NRG3: variants seen among roughly 807,000 people sequenced by gnomAD.
NRG3 encodes pro-neuregulin-3, membrane-bound isoform.
In NRG3, 31 loss-of-function variants were observed where a neutral mutation model predicts 66.9. The observed-to-expected ratio is 0.46, with a 90% confidence interval of 0.35 to 0.63. The LOEUF (loss-of-function observed/expected upper bound fraction) is 0.63, where lower values mean the gene tolerates loss of function less well. Among genes scored for constraint, NRG3 ranks in the 20% least tolerant of loss-of-function variants. The pLI, the probability that NRG3 is intolerant of heterozygous loss-of-function variation, is 0.00. For missense variants in NRG3, 910 were observed against 878.9 expected, an observed-to-expected ratio of 1.04 and a Z score of -0.45; for synonymous variants, 393 against 359.4, an observed-to-expected ratio of 1.09 and a Z score of -1.06.
rs34948645 is a variant in NRG3 at position 82,004,028 on chromosome 10, C to CAT, written c.823+127866_823+127867insTA. Among the ~76,000 whole-genome samples, 1,434 of 145,736 alleles carry CAT rather than the reference C, an allele frequency of 9.8e-3. 21 individuals are homozygous for CAT. Among genetic ancestry groups the CAT allele is most frequent in the African/African-American group, 0.027 (1,047 of 39,452 alleles). ...ACACACACACACACACACACACACA[C>CAT]ACACACAGATACCTTAGAGCAGCAT... is the stretch of plus-strand genomic sequence containing the variant. On this transcript the variant is annotated intron_variant, in intron 1 of 8. Transcript: ENST00000372141.
At chr10:82,317,966 A>G (rs1440802719) in intron 1 of NRG3, among the ~76,000 whole-genome samples, 2 of 151,896 alleles carry the variant, frequency 1.3e-5, no homozygotes, top group East Asian at 1.9e-4. Context: ...ATAAGATGAT[A>G]TAGACAAATG....
intron 1 of NRG3, among the ~76,000 whole-genome samples, chr10:81,999,193 G>A (rs1344293482): frequency 2.0e-5 from 3 of 152,158 alleles, no homozygotes; most frequent in South Asian, 2.1e-4. Context: ...CATCATTTAC[G>A]TGAAAGGTAA....
In NRG3 at chr10:82,507,606, G is replaced by A. The variant is rs185267273; in HGVS notation, c.953+148738G>A. ...AACACAGCAGACCCAAGGGTGGGAG[G>A]CCACTGACCATCCTATCTCAGTGTC... On this transcript the variant is annotated intron_variant, in intron 2 of 8. Coordinates refer to ENST00000372141, the MANE Select transcript of NRG3 (RefSeq NM_001010848.4). 7.2e-5 allele frequency among the ~76,000 whole-genome samples: 11 copies of A among 152,260 alleles called. No homozygotes were observed. The South Asian group carries it at 1.2e-3, about 17-fold the overall frequency.
rs115388978 is a variant in NRG3, at chr10:82,690,600, A to G, written c.954-47977A>G. Among the ~76,000 whole-genome samples, 771 of 152,326 alleles carry G rather than the reference A, an allele frequency of 5.1e-3. 4 individuals are homozygous for G. The highest frequency in any genetic ancestry group is 0.018 in the African/African-American group (749 of 41,586). ...AACTGAGCAAAAATTCCATTGAGGT[A>G]TAAAAACAGAAAATGCAAAGAATCT... On this transcript the variant is annotated intron_variant, in intron 2 of 8. Transcript: ENST00000372141.
intron 3 of NRG3, among the ~76,000 whole-genome samples, chr10:82,808,721 A>T (rs2061382960): frequency 6.6e-6 from 1 of 152,200 alleles, no homozygotes; most frequent in Non-Finnish European, 1.5e-5. Context: ...TTAGACAACT[A>T]AAGTAATCTC....
Position 82,690,444 on chromosome 10 carries a change from T to C in NRG3, c.954-48133T>C, listed in dbSNP as rs577438046. 3.5e-4 allele frequency among the ~76,000 whole-genome samples: 54 copies of C among 152,144 alleles called. No individual in the cohort carries two copies. In the South Asian group the frequency reaches 0.011, roughly 31 times the overall value. Reference sequence around the variant, plus strand: ...AAGCCTCATTTCATGCAGGCAGGAGTGGAGAGTGGCTCTAGTGTGCATGCT... The same window carrying C: ...AAGCCTCATTTCATGCAGGCAGGAGCGGAGAGTGGCTCTAGTGTGCATGCT... On this transcript the variant is annotated intron_variant, in intron 2 of 8. Coordinates refer to ENST00000372141, the MANE Select transcript of NRG3 (RefSeq NM_001010848.4).
intron 1 of NRG3, among the ~76,000 whole-genome samples, chr10:82,075,634 A>G (rs1041454087): frequency 7.2e-5 from 11 of 152,280 alleles, no homozygotes; most frequent in Middle Eastern, 3.4e-3. Flanking sequence ...TAATATTAAA[A>G]ACTACCTTAT....
At chr10:82,618,006 A>G (rs1234033431) in intron 2 of NRG3, among the ~76,000 whole-genome samples, 4 of 152,164 alleles carry the variant, frequency 2.6e-5, no homozygotes, top group Non-Finnish European at 5.9e-5. Flanking sequence ...CCTGTGATCT[A>G]TGTCCCCTGC....
At chr10:82,145,740 T>C (rs1216219787) in intron 1 of NRG3, among the ~76,000 whole-genome samples, 1 of 152,302 alleles carries the variant, frequency 6.6e-6, no homozygotes, top group South Asian at 2.1e-4. Context: ...TCACGTTGGA[T>C]AGTAAGTATT....
At chr10:82,090,629 G>A (rs2065972455) in intron 1 of NRG3, among the ~76,000 whole-genome samples, 1 of 152,126 alleles carries the variant, frequency 6.6e-6, no homozygotes, top group African/African-American at 2.4e-5. Flanking sequence ...GAATAAAGAA[G>A]GGACGAGTGG....
chr10:82,769,681 A>G (rs2135157792), intron 3 of NRG3, among the ~76,000 whole-genome samples: 1 of 152,236 alleles, frequency 6.6e-6, no homozygotes, highest in South Asian at 2.1e-4. Flanking sequence ...AGCTGTGAAA[A>G]ATCAGAAGTC....
chr10:81,886,722 C>A (rs1054065212), intron 1 of NRG3, among the ~76,000 whole-genome samples: 1 of 151,780 alleles, frequency 6.6e-6, no homozygotes, highest in African/African-American at 2.4e-5. Flanking sequence ...TTTTGTTTAC[C>A]CATGTGATAG....
At chr10:81,971,527 G>C (rs1432132839) in intron 1 of NRG3, among the ~76,000 whole-genome samples, 1 of 152,224 alleles carries the variant, frequency 6.6e-6, no homozygotes, top group Non-Finnish European at 1.5e-5. Flanking sequence ...GAGTAAAAGA[G>C]ACCTTCTGAA....
At chr10:82,149,095 C>T (rs2070493809) in intron 1 of NRG3, among the ~76,000 whole-genome samples, 1 of 151,676 alleles carries the variant, frequency 6.6e-6, no homozygotes, top group Non-Finnish European at 1.5e-5. Flanking sequence ...AAGCATCAAG[C>T]CTACCTAATA....
chr10:82,137,539 T>C (rs1374781518), intron 1 of NRG3, among the ~76,000 whole-genome samples: 2 of 152,210 alleles, frequency 1.3e-5, no homozygotes, highest in Admixed American at 1.3e-4. Flanking sequence ...CAGAAATTAC[T>C]GTTTGGTAGC....
At chr10:82,618,778 A>G (rs192180856) in intron 2 of NRG3, among the ~76,000 whole-genome samples, 197 of 152,208 alleles carry the variant, frequency 1.3e-3, no homozygotes, top group African/African-American at 4.5e-3. Flanking sequence ...TTATGGTGTC[A>G]TAATTATATA....
intron 4 of NRG3, among the ~76,000 whole-genome samples, chr10:82,901,352 A>G (rs1431840688): frequency 1.3e-5 from 2 of 152,090 alleles, no homozygotes; most frequent in Non-Finnish European, 2.9e-5. Context: ...GTGTGTATGT[A>G]TGGCTTTTAT....
intron 1 of NRG3, among the ~76,000 whole-genome samples, chr10:82,352,932 T>C (rs1397869511): frequency 2.7e-5 from 4 of 150,936 alleles, no homozygotes; most frequent in Admixed American, 1.3e-4. Context: ...TTATTGTAAA[T>C]AATTCATTTT....
intron 4 of NRG3, among the ~76,000 whole-genome samples, chr10:82,914,218 A>G (rs1260448486): frequency 6.6e-6 from 1 of 151,762 alleles, no homozygotes; most frequent in Non-Finnish European, 1.5e-5. Context: ...TTTTCATTAG[A>G]TCCTTTGGCC....
Sources: allele counts gnomAD v4.1 joint callset (sites outside exome capture counted in the v4.1 genomes callset), GRCh38; gene constraint gnomAD v4.1.1; transcripts MANE v1.5; gene names NCBI Gene and HGNC (gene_info 2026-07-23, HGNC 2026-07-21).